Variants in DIPK1C observed in about 807,000 individuals in gnomAD.
DIPK1C encodes familial non-conventional Alzheimer's dementia.
A neutral mutation model predicts 28.0 loss-of-function variants in DIPK1C; 33 were observed. The ratio of observed to expected loss-of-function variants is 1.18; its 90% CI spans 0.89 to 1.58. DIPK1C has a LOEUF of 1.58. Among genes scored for constraint, DIPK1C ranks in the 40% most tolerant of loss-of-function variants. DIPK1C has a pLI of 0.00. For synonymous variants in DIPK1C, 255 were observed against 248.8 expected (o/e 1.02, Z -0.23); for missense variants, 569 against 568.5 (o/e 1.00, Z -0.01).
At chr18:74,456,927 A>T (rs2095885375) in intron 1 of DIPK1C, 135 bp downstream of exon 1, 15 of 969,214 alleles carry the variant, frequency 1.5e-5, no homozygotes, top group Non-Finnish European at 2.1e-5. Context: ...CTGGCACTCC[A>T]CGCAGGTGTC....
In DIPK1C at chr18:74,436,524, C is replaced by T. The variant is rs1198450142; in HGVS notation, c.1237G>A (p.Glu413Lys). The T allele has an allele frequency of 7.5e-6, 12 of 1,607,288 alleles. No homozygotes were observed. Among genetic ancestry groups the T allele is most frequent in the Non-Finnish European group, 9.3e-6 (11 of 1,177,996 alleles). The change falls in exon 4 of 4, where the codon GAG (glutamate) becomes AAG (lysine). Residue 413 changes from glutamate to lysine, a missense_variant. Coordinates refer to ENST00000343998, the MANE Select transcript of DIPK1C (RefSeq NM_001044369.3). ...LRQLLQATLR[E>K]LQEAEK is the part of the protein sequence containing the mutation. Reference sequence around the variant, plus strand: ...GGCTACTTCTCTGCCTCCTGCAGCTCCCTCAGTGTGGCTTGGAGGAGTTGG... The same window carrying T: ...GGCTACTTCTCTGCCTCCTGCAGCTTCCTCAGTGTGGCTTGGAGGAGTTGG...
At chr18:74,442,438 C>A (rs1404068833) in intron 2 of DIPK1C, among the ~76,000 whole-genome samples, 5 of 152,210 alleles carry the variant, frequency 3.3e-5, no homozygotes, top group African/African-American at 1.2e-4. Flanking sequence ...ACGCCATTCT[C>A]CTTCCTCAGC....
Position 74,442,551 on chromosome 18 carries a change from G to C in DIPK1C, c.877-435C>G, listed in dbSNP as rs111644574. Among the ~76,000 whole-genome samples, 24 of 152,084 alleles carry C rather than the reference G, an allele frequency of 1.6e-4. 1 individual carries two copies. Among genetic ancestry groups the C allele is most frequent in the Admixed American group, 7.2e-4 (11 of 15,272 alleles). ...TCACCGTGTTAGCCAGGATGGTCTC[G>C]ATCTCCTGACCTCCTGATCTGCCCG... is the stretch of plus-strand genomic sequence containing the variant. On this transcript the variant is annotated intron_variant, in intron 2 of 3. Coordinates refer to ENST00000343998, the MANE Select transcript of DIPK1C (RefSeq NM_001044369.3).
At position 74,457,301 on chromosome 18, in the gene DIPK1C, C is replaced by G; in HGVS notation, c.-42G>C. ...GCCCGGGCCCCACCGCCGCCCGCGC[C>G]CCGAGTTCCGCACTCGCGTAGCTGC... is the stretch of plus-strand genomic sequence containing the variant. On this transcript the variant is annotated 5_prime_UTR_variant, in exon 1 of 4. Transcript: ENST00000343998. 1.0e-6 allele frequency: 1 copy of G among 983,022 alleles called. No homozygotes were observed. The highest frequency in any genetic ancestry group is 1.2e-6 in the Non-Finnish European group (1 of 828,270). 60.9% of individuals were successfully genotyped at this position (983,022 alleles called of 1,614,324 possible).
At chr18:74,441,890 C>T (rs956977476) in intron 3 of DIPK1C, 62 bp downstream of exon 3, 2 of 1,550,008 alleles carry the variant, frequency 1.3e-6, no homozygotes, top group African/African-American at 2.7e-5. Flanking sequence ...ATCTGAAGAG[C>T]TAGCGGGCAG....
upstream of DIPK1C, among the ~76,000 whole-genome samples, chr18:74,459,434 T>A (rs1986583741): frequency 6.6e-6 from 1 of 152,236 alleles, no homozygotes; most frequent in African/African-American, 2.4e-5. Flanking sequence ...CAGCACTGTT[T>A]TAACACGGAA....
At position 74,447,939 on chromosome 18, in the gene DIPK1C, G is replaced by A. The variant is rs1431439556; in HGVS notation, c.199-656C>T. On this transcript the variant is annotated intron_variant, in intron 1 of 3. Coordinates refer to ENST00000343998, the MANE Select transcript of DIPK1C (RefSeq NM_001044369.3). This position sits in a 1 kb window ranked among gnomAD's most constrained non-coding sequence, Gnocchi z 4.1. The stretch of plus-strand genomic sequence containing the variant: ...CTGGAGAAGAGGAGGGACCAAGGAG[G>A]ACCCATGCAGGATAAAAGAGTAGGG... Among the ~76,000 whole-genome samples, 1 of 152,200 alleles carries A rather than the reference G, an allele frequency of 6.6e-6. No homozygotes were observed. Among genetic ancestry groups the A allele is most frequent in the East Asian group, 1.9e-4 (1 of 5,186 alleles).
At chr18:74,437,053 G>A (rs1986014367) in intron 3 of DIPK1C, among the ~76,000 whole-genome samples, 2 of 152,164 alleles carry the variant, frequency 1.3e-5, no homozygotes, top group Admixed American at 1.3e-4. Context: ...AAGGGAAGCA[G>A]AAGTCACAGA....
At chr18:74,440,135 G>A (rs373166259) in intron 3 of DIPK1C, among the ~76,000 whole-genome samples, 3 of 152,014 alleles carry the variant, frequency 2.0e-5, no homozygotes, top group African/African-American at 4.8e-5. Flanking sequence ...TAACAGAGAC[G>A]GGGTTTCACC....
At chr18:74,450,882 G>A (rs1043377993) in intron 1 of DIPK1C, among the ~76,000 whole-genome samples, 1 of 152,246 alleles carries the variant, frequency 6.6e-6, no homozygotes, top group African/African-American at 2.4e-5. Flanking sequence ...GATTGGGTCT[G>A]CCTCTGGGCT....
Position 74,436,356 on chromosome 18 carries a change from C to T in DIPK1C, c.*145G>A. The T allele has an allele frequency of 1.3e-6, 1 of 772,812 alleles. No individual in the cohort carries two copies. Among genetic ancestry groups the T allele is most frequent in the Admixed American group, 3.0e-5 (1 of 33,824 alleles). 47.9% of individuals were successfully genotyped at this position (772,812 alleles called of 1,614,324 possible). ...GAGAGCGAGGGAGCACTGTCTCTGGCAGCAGCACTTGCCACTCCACAATGT... is the reference window on the plus strand; with the variant it reads ...GAGAGCGAGGGAGCACTGTCTCTGGTAGCAGCACTTGCCACTCCACAATGT... On this transcript the variant is annotated 3_prime_UTR_variant, in exon 4 of 4. Coordinates refer to ENST00000343998, the MANE Select transcript of DIPK1C (RefSeq NM_001044369.3).
intron 2 of DIPK1C, among the ~76,000 whole-genome samples, chr18:74,445,681 G>A (rs994928292): frequency 9.9e-5 from 15 of 152,178 alleles, no homozygotes; most frequent in South Asian, 4.1e-4. Flanking sequence ...CCCAGGTGAC[G>A]AGCTAAGCTG....
At chr18:74,456,946 ATGT>A in intron 1 of DIPK1C, 113 bp downstream of exon 1, 2 of 1,112,644 alleles carry the variant, frequency 1.8e-6, no homozygotes, top group Non-Finnish European at 1.2e-6. Flanking sequence ...TCGGGAACCC[ATGT>A]CCCCGGCGGG....
At chr18:74,450,184 G>A (rs1441543668) in intron 1 of DIPK1C, among the ~76,000 whole-genome samples, 1 of 151,944 alleles carries the variant, frequency 6.6e-6, no homozygotes, top group East Asian at 1.9e-4. Context: ...ATAGTTTCAC[G>A]TCTCTATAAA....
chr18:74,449,017 G>A (rs1315867838), intron 1 of DIPK1C, among the ~76,000 whole-genome samples: 2 of 152,138 alleles, frequency 1.3e-5, no homozygotes, highest in African/African-American at 2.4e-5. Context: ...GCTGAGGCAG[G>A]AGAATCACTT....
Position 74,436,694 on chromosome 18 carries a change from T to G in DIPK1C, c.1067A>C (p.His356Pro). ...GCTCTTGAGAGGCGCGGAAAACCAA[T>G]GGCGAAATATTTTGTCACAGATGAC... ...LQVICDKIFR[H>P]WFSAPLKSSA... The change falls in exon 4 of 4, where the codon CAT becomes CCT. Residue 356 changes from histidine (H) to proline (P), a missense_variant. By Grantham distance (77) the His-to-Pro change is moderately conservative. Transcript: ENST00000343998. 1.9e-6 allele frequency: 3 copies of G among 1,613,266 alleles called. No homozygotes were observed. The highest frequency in any genetic ancestry group is 2.5e-6 in the Non-Finnish European group (3 of 1,179,722).
chr18:74,451,363 C>T (rs771236200), intron 1 of DIPK1C, among the ~76,000 whole-genome samples: 1 of 152,176 alleles, frequency 6.6e-6, no homozygotes. Context: ...TCAACCTTTG[C>T]CCGGAAGCCA....
Position 74,456,717 on chromosome 18 carries a change from C to A in DIPK1C, c.198+345G>T, listed in dbSNP as rs80208705. 3.9e-5 allele frequency among the ~76,000 whole-genome samples: 6 copies of A among 152,314 alleles called. No homozygotes were observed. The South Asian group carries it at 1.0e-3, about 26-fold the overall frequency. On this transcript the variant is annotated intron_variant, in intron 1 of 3. Transcript: ENST00000343998. ...CGCCCCGAGCCCGGCGGCCTGACAC[C>A]GGACGCGGCACCTCCCTGGACACTC...
intron 1 of DIPK1C, among the ~76,000 whole-genome samples, chr18:74,456,276 C>T (rs1986509532): frequency 6.6e-6 from 1 of 152,244 alleles, no homozygotes; most frequent in Non-Finnish European, 1.5e-5. Context: ...GCGTTTCATT[C>T]ATATGATGTG....
Sources: gnomAD v4.1 joint callset for allele counts (sites outside exome capture counted in the v4.1 genomes callset) on GRCh38, gnomAD v4.1.1 for gene constraint, Gnocchi (gnomAD v3.1) non-coding constraint, MANE v1.5 for transcripts, NCBI Gene and HGNC (gene_info 2026-07-23, HGNC 2026-07-21) for gene names.